Variants in KMT2C observed in about 807,000 individuals in gnomAD.
The protein encoded by KMT2C is lysine methyltransferase 2C, also known as histone-lysine N-methyltransferase 2C.
Under a neutral mutation model 507.9 loss-of-function variants are expected in KMT2C, and 88 were observed. That is an observed-to-expected ratio of 0.17 (90% confidence interval 0.15 to 0.21). The LOEUF (loss-of-function observed/expected upper bound fraction) is 0.21. KMT2C is among the 10% of genes least tolerant of loss of function. The pLI is 1.00. For missense variants in KMT2C, 4,954 were observed against 5,957.8 expected (o/e 0.83, Z 5.55); for synonymous variants, 2,049 against 2,080.8 (o/e 0.98, Z 0.42).
chr7:152,180,747 T>TA lies in KMT2C; in HGVS notation c.7112dup (p.Asn2372LysfsTer18). On this transcript the variant is annotated frameshift_variant, in exon 36 of 59. Coordinates refer to ENST00000262189, the MANE Select transcript of KMT2C (RefSeq NM_170606.3). LOFTEE classifies it high-confidence loss of function. The stretch of plus-strand genomic sequence containing the variant: ...TCTCTGTATCTGCTTGGGCCATATT[T>TA]ACAGTATTCTGTGTATCAGTTACTC... 6.2e-7 allele frequency: 1 copy of TA among 1,613,962 alleles called. No homozygotes were observed.
rs1301807501 is a variant in KMT2C at position 152,165,019 on chromosome 7, C to T, written c.9751-1193G>A. ...TTTTTCAAAGTATTTTCTTGGGTTC[C>T]CCAGGTAGACTAATACTTTCTGCAA... On this transcript the variant is annotated intron_variant, in intron 42 of 58. Coordinates refer to ENST00000262189, the MANE Select transcript of KMT2C (RefSeq NM_170606.3). 2.0e-5 allele frequency among the ~76,000 whole-genome samples: 3 copies of T among 152,274 alleles called. No homozygotes were observed. In the East Asian group the frequency reaches 5.8e-4, roughly 29 times the overall value.
intron 16 of KMT2C, among the ~76,000 whole-genome samples, chr7:152,233,590 A>T (rs1477127195): frequency 6.6e-6 from 1 of 152,254 alleles, no homozygotes. Flanking sequence ...AAGAAGGTCA[A>T]TAAGATTGAT....
intron 2 of KMT2C, among the ~76,000 whole-genome samples, chr7:152,339,550 C>T (rs985625710): frequency 2.0e-5 from 3 of 152,096 alleles, no homozygotes; most frequent in African/African-American, 7.2e-5. Context: ...AATTGTTTAT[C>T]TTTGTAATCC....
In KMT2C at chr7:152,302,231, G is replaced by A. The variant is rs551839399; in HGVS notation, c.849+7735C>T. 6.2e-4 allele frequency among the ~76,000 whole-genome samples: 94 copies of A among 152,124 alleles called. 1 individual carries two copies. The South Asian group carries it at 0.019, about 31-fold the overall frequency. The stretch of plus-strand genomic sequence containing the variant: ...GTATTTTTTTAATGTCTTATTTTAA[G>A]AGTAAAACACCTGGTTTTTTTTGAG... On this transcript the variant is annotated intron_variant, in intron 6 of 58. Coordinates refer to ENST00000262189, the MANE Select transcript of KMT2C (RefSeq NM_170606.3).
intron 6 of KMT2C, among the ~76,000 whole-genome samples, chr7:152,307,028 G>T (rs568806565): frequency 6.6e-6 from 1 of 152,058 alleles, no homozygotes; most frequent in Non-Finnish European, 1.5e-5. Flanking sequence ...GCGAGGTGGC[G>T]CATGCCTGTG....
At chr7:152,180,652 T>C (rs1229382236) in intron 36 of KMT2C, 59 bp downstream of exon 36, 3 of 1,287,772 alleles carry the variant, frequency 2.3e-6, no homozygotes, top group African/African-American at 1.5e-5. Context: ...CTCAGTTTGA[T>C]GAAATGAACA....
At chr7:152,298,195 G>T (rs2096533887) in intron 6 of KMT2C, among the ~76,000 whole-genome samples, 2 of 152,002 alleles carry the variant, frequency 1.3e-5, no homozygotes, top group Non-Finnish European at 2.9e-5. Context: ...CAGGTAACTG[G>T]AGTCCCCAAA....
intron 16 of KMT2C, among the ~76,000 whole-genome samples, chr7:152,233,938 C>G (rs1396423132): frequency 6.6e-6 from 1 of 152,190 alleles, no homozygotes; most frequent in Non-Finnish European, 1.5e-5. Context: ...AGTTCGAGAC[C>G]AGCCTGGCCA....
chr7:152,336,124 T>G (rs2096933035), intron 2 of KMT2C, among the ~76,000 whole-genome samples: 1 of 152,160 alleles, frequency 6.6e-6, no homozygotes. Flanking sequence ...GATTTTGTTG[T>G]TTCAGTCTTG....
intron 9 of KMT2C, among the ~76,000 whole-genome samples, chr7:152,257,381 T>C (rs2095677848): frequency 6.6e-6 from 1 of 152,062 alleles, no homozygotes; most frequent in Non-Finnish European, 1.5e-5. Context: ...TTCCAAGAGG[T>C]TGGGAGAAAT....
chr7:152,306,379 C>T (rs1455616092), intron 6 of KMT2C, among the ~76,000 whole-genome samples: 1 of 151,982 alleles, frequency 6.6e-6, no homozygotes, highest in Non-Finnish European at 1.5e-5. Context: ...CACATTTCAT[C>T]CATGCTACAC....
At chr7:152,394,152 T>C (rs2097522638) in intron 1 of KMT2C, among the ~76,000 whole-genome samples, 1 of 152,114 alleles carries the variant, frequency 6.6e-6, no homozygotes, top group East Asian at 1.9e-4. Context: ...CCTGCTAATA[T>C]TATCTAACAT....
chr7:152,319,185 G>A (rs1242067943), intron 3 of KMT2C, among the ~76,000 whole-genome samples: 2 of 152,166 alleles, frequency 1.3e-5, no homozygotes, highest in African/African-American at 4.8e-5. Context: ...GCCGAGGCAA[G>A]AGACCAAGGG....
At chr7:152,337,830 C>T (rs982892491) in intron 2 of KMT2C, among the ~76,000 whole-genome samples, 3 of 151,626 alleles carry the variant, frequency 2.0e-5, no homozygotes, top group Non-Finnish European at 2.9e-5. Context: ...TATGGATTCA[C>T]TTGTCCACCT....
chr7:152,368,280 A>G, intron 1 of KMT2C: 1 of 1,088,434 alleles, frequency 9.2e-7, no homozygotes, highest in Non-Finnish European at 1.4e-6. Flanking sequence ...AGAACTACAG[A>G]AGCAGAAAAC....
chr7:152,366,687 G>T (rs978552989), intron 1 of KMT2C: 1 of 158,310 alleles, frequency 6.3e-6, no homozygotes, highest in Non-Finnish European at 1.4e-5. Context: ...TCTACATTAT[G>T]AATGTATCTC....
At chr7:152,266,307 C>T (rs2095857354) in intron 7 of KMT2C, among the ~76,000 whole-genome samples, 1 of 151,790 alleles carries the variant, frequency 6.6e-6, no homozygotes, top group Non-Finnish European at 1.5e-5. Flanking sequence ...TGCAATGGCA[C>T]GATCTCGGCT....
intron 6 of KMT2C, among the ~76,000 whole-genome samples, chr7:152,298,637 G>T (rs1589016269): frequency 6.6e-6 from 1 of 152,326 alleles, no homozygotes; most frequent in East Asian, 1.9e-4. Flanking sequence ...TGCAAGAAAT[G>T]TTAAAGGATA....
At chr7:152,401,300 G>A (rs959102011) in intron 1 of KMT2C, among the ~76,000 whole-genome samples, 5 of 151,936 alleles carry the variant, frequency 3.3e-5, no homozygotes, top group African/African-American at 1.2e-4. Context: ...GACTGGTCTC[G>A]GCCTCCCGCC....
Sources: allele counts gnomAD v4.1 joint callset (sites outside exome capture counted in the v4.1 genomes callset), GRCh38; gene constraint gnomAD v4.1.1; transcripts MANE v1.5; gene names NCBI Gene and HGNC (gene_info 2026-07-23, HGNC 2026-07-21).